RECQL5: variants seen among roughly 807,000 people sequenced by gnomAD.
The protein encoded by RECQL5 is ATP-dependent DNA helicase Q5.
In RECQL5, 88 loss-of-function variants were observed where a neutral mutation model predicts 103.4. The observed-to-expected ratio is 0.85, with a 90% CI of 0.72 to 1.02. The LOEUF (loss-of-function observed/expected upper bound fraction) is 1.02. Among genes scored for constraint, RECQL5 ranks in the 50% least tolerant of loss-of-function variants. The pLI, the probability that RECQL5 is intolerant of heterozygous loss-of-function variation, is 0.00. For missense variants in RECQL5, 1,232 were observed against 1,284.3 expected (o/e 0.96, Z 0.62); for synonymous variants, 552 against 507.9 (o/e 1.09, Z -1.17).
chr17:75,645,909 G>A (rs1050076725), intron 8 of RECQL5, among the ~76,000 whole-genome samples: 1 of 152,178 alleles, frequency 6.6e-6, no homozygotes, highest in African/African-American at 2.4e-5. Context: ...ATAAGCACCC[G>A]AGGGCTAGAA....
At chr17:75,662,373 T>A (rs1260277853) in intron 4 of RECQL5, 106 bp downstream of exon 4, 22 of 1,236,442 alleles carry the variant, frequency 1.8e-5, no homozygotes, top group Non-Finnish European at 2.5e-5. Context: ...TTAGGAAGCC[T>A]GGCTGAGAAA....
Position 75,630,776 on chromosome 17 carries a change from T to TA in RECQL5, c.1644+2dup. 6.6e-7 allele frequency: 1 copy of TA among 1,524,828 alleles called. No homozygotes were observed. The highest frequency in any genetic ancestry group is 8.8e-7 in the Non-Finnish European group (1 of 1,131,510). The allele number at this position is 1,524,828 out of a possible 1,614,324, so 94.5% of individuals were successfully genotyped here. ...GGTGGCTGAGGAGCTGCCCGTCTCT[T>TA]ACCTTCACAGTCAGCCTGGGGATCC... On this transcript the variant is annotated splice_region_variant and intron_variant, in intron 12 of 19. Transcript: ENST00000317905.
At chr17:75,639,513 C>G (rs936841763) in intron 8 of RECQL5, 5 of 152,276 alleles carry the variant, frequency 3.3e-5, no homozygotes, top group Non-Finnish European at 5.9e-5. Context: ...ATGACGCCAG[C>G]AGGGGAGGGG....
chr17:75,640,795 T>C lies in RECQL5; in HGVS notation c.1230-9127A>G. Reference sequence around the variant, plus strand: ...TGCTCTCTCCCGGCCCTCCAGCTACTGTTCTGCTGTTGCTGCTGATAGCCT... The same window carrying C: ...TGCTCTCTCCCGGCCCTCCAGCTACCGTTCTGCTGTTGCTGCTGATAGCCT... On this transcript the variant is annotated intron_variant, in intron 8 of 19. Transcript: ENST00000317905. The surrounding 1 kb of genome is among the most constrained non-coding windows in gnomAD (Gnocchi z 4.6). 1.9e-6 allele frequency: 3 copies of C among 1,550,116 alleles called. No homozygotes were observed. Among genetic ancestry groups the C allele is most frequent in the Non-Finnish European group, 2.6e-6 (3 of 1,146,684 alleles).
Position 75,665,116 on chromosome 17 carries a change from G to A in RECQL5, c.187C>T (p.Gln63Ter), listed in dbSNP as rs1446317442. The A allele has an allele frequency of 1.2e-6, 2 of 1,612,292 alleles. No homozygotes were observed. Among genetic ancestry groups the A allele is most frequent in the South Asian group, 1.1e-5 (1 of 90,696 alleles). Residue 63 changes from glutamine (Q) to a stop codon, truncating the protein, a stop_gained, in exon 3 of 20, where the codon CAG becomes TAG. Transcript: ENST00000317905. LOFTEE classifies it high-confidence loss of function. ...CCTTTGGCCAACAGAGCAGGGAGCT[G>A]ATAGCATAGGGATTTTCCTGCCCCT... ...PTGAGKSLCY[Q>*]LPALLAKGIT...
chr17:75,666,443 T>C lies in RECQL5; in HGVS notation c.115A>G (p.Met39Val), dbSNP rs1383466708. Residue 39 changes from methionine (M) to valine (V), a missense_variant, in exon 2 of 20, where the codon ATG (methionine) becomes GTG (valine). Coordinates refer to ENST00000317905, the MANE Select transcript of RECQL5 (RefSeq NM_004259.7). ...FKTPLQESATMAVVKGNKDVF... is the reference protein window; with the variant it reads ...FKTPLQESATVAVVKGNKDVF... ...GTAATGTTACCTTTTACTACAGCCA[T>C]GGTCGCACTCTCCTGTAAAGGCGTC... The C allele has an allele frequency of 1.2e-6, 2 of 1,614,062 alleles. No homozygotes were observed. The highest frequency in any genetic ancestry group is 8.5e-7 in the Non-Finnish European group (1 of 1,180,004).
chr17:75,653,077 G>A (rs1599040251), intron 7 of RECQL5, among the ~76,000 whole-genome samples: 1 of 152,212 alleles, frequency 6.6e-6, no homozygotes, highest in East Asian at 1.9e-4. Flanking sequence ...GGCGGAGGGA[G>A]GTGGGGGCAC....
chr17:75,653,043 G>A (rs1032751779), intron 7 of RECQL5, among the ~76,000 whole-genome samples: 4 of 152,210 alleles, frequency 2.6e-5, no homozygotes, highest in African/African-American at 9.6e-5. Context: ...CACACAGCAG[G>A]CAGAGCCCCA....
At chr17:75,659,134 TC>T (rs2059666129) in intron 6 of RECQL5, among the ~76,000 whole-genome samples, 1 of 152,146 alleles carries the variant, frequency 6.6e-6, no homozygotes, top group Non-Finnish European at 1.5e-5. Context: ...TGATCTCAGC[TC>T]ACTGCAACCT....
At chr17:75,661,534 C>G (rs1228288054) in intron 5 of RECQL5, 72 bp downstream of exon 5, 4 of 1,025,612 alleles carry the variant, frequency 3.9e-6, no homozygotes, top group Middle Eastern at 2.1e-4. Flanking sequence ...TAACCAGGAT[C>G]TGTAAAGAAC....
intron 8 of RECQL5, chr17:75,650,669 GACTAC>G (rs749548189): frequency 1.9e-6 from 3 of 1,613,924 alleles, no homozygotes; most frequent in Non-Finnish European, 2.5e-6. Flanking sequence ...GACACAACCT[GACTAC>G]ACCAAGCAGC....
chr17:75,630,547 T>G, intron 13 of RECQL5, 72 bp downstream of exon 13: 1 of 1,525,558 alleles, frequency 6.6e-7, no homozygotes, highest in Non-Finnish European at 9.1e-7. Flanking sequence ...AGGCCAGGGT[T>G]GACAGGGTCC....
intron 8 of RECQL5, chr17:75,647,689 T>C (rs820207): frequency 0.99 from 884,308 of 897,014 alleles, 436,223 homozygotes; most frequent in East Asian, 1. Flanking sequence ...TCCTTTCCCA[T>C]CAGGAAAAAG....
chr17:75,650,636 G>A (rs1679759805), intron 8 of RECQL5: 1 of 1,613,276 alleles, frequency 6.2e-7, no homozygotes, highest in South Asian at 1.1e-5. Flanking sequence ...TCTCCTGCAG[G>A]CACTCACAGC....
intron 3 of RECQL5, among the ~76,000 whole-genome samples, chr17:75,663,479 GTGTGGAACTTTCCACT>G (rs1290978859): frequency 6.6e-6 from 1 of 152,112 alleles, no homozygotes; most frequent in Non-Finnish European, 1.5e-5. Context: ...GGTCAGAAAG[GTGTGGAACTTTCCACT>G]TGTGGAATCA....
chr17:75,628,285 T>C lies in RECQL5; in HGVS notation c.2738A>G (p.Lys913Arg). The change falls in exon 18 of 20, where the codon AAG becomes AGG. Residue 913 changes from lysine to arginine, a missense_variant. Coordinates refer to ENST00000317905, the MANE Select transcript of RECQL5 (RefSeq NM_004259.7). ...CTTGACCACAACATTTGCAGCCTCC[T>C]TCAAGGAGACGCCAGGAGCGGAGAG... ...FQLSAPGVSL[K>R]EAANVVVKCL... 6.2e-7 allele frequency: 1 copy of C among 1,614,168 alleles called. No individual in the cohort carries two copies. Among genetic ancestry groups the C allele is most frequent in the South Asian group, 1.1e-5 (1 of 91,088 alleles).
intron 2 of RECQL5, 134 bp from the exon 3 acceptor site, chr17:75,665,306 T>G: frequency 1.3e-6 from 1 of 743,830 alleles, no homozygotes; most frequent in Non-Finnish European, 2.2e-6. Context: ...GTAATCCTAA[T>G]TCCCCTCCTG....
chr17:75,633,777 C>T (rs1236001657), intron 8 of RECQL5: 114 of 1,014,088 alleles, frequency 1.1e-4, no homozygotes, highest in South Asian at 1.4e-4. Context: ...GGTGGAGCCT[C>T]CCCAGGGTCC....
At chr17:75,634,390 C>T (rs181115429) in intron 8 of RECQL5, among the ~76,000 whole-genome samples, 1 of 152,364 alleles carries the variant, frequency 6.6e-6, no homozygotes, top group Non-Finnish European at 1.5e-5. Flanking sequence ...TGCTGGGACC[C>T]TGCACTAGGG....
Sources: gnomAD v4.1 joint callset for allele counts (sites outside exome capture counted in the v4.1 genomes callset) on GRCh38, gnomAD v4.1.1 for gene constraint, Gnocchi (gnomAD v3.1) non-coding constraint, MANE v1.5 for transcripts, NCBI Gene and HGNC (gene_info 2026-07-23, HGNC 2026-07-21) for gene names.